SCN2A: variants seen among roughly 807,000 people sequenced by gnomAD.
SCN2A encodes sodium channel protein type 2 subunit alpha.
Under a neutral mutation model 188.7 loss-of-function variants are expected in SCN2A, and 20 were observed. The observed-to-expected ratio is 0.11, with a 90% CI of 0.07 to 0.15. The LOEUF (loss-of-function observed/expected upper bound fraction) is 0.15, where lower values mean the gene tolerates loss of function less well. Among genes scored for constraint, SCN2A ranks in the 10% least tolerant of loss-of-function variants. The pLI is 1.00. For missense variants in SCN2A, 1,278 were observed against 2,445.0 expected, an observed-to-expected ratio of 0.52 and a Z score of 10.07; for synonymous variants, 804 against 833.1, an observed-to-expected ratio of 0.97 and a Z score of 0.60.
intron 17 of SCN2A, among the ~76,000 whole-genome samples, chr2:165,362,025 G>A (rs1288828915): frequency 6.6e-6 from 1 of 151,978 alleles, no homozygotes; most frequent in Non-Finnish European, 1.5e-5. Context: ...GGAAGTGTTA[G>A]TAGTTAGTGG....
chr2:165,249,868 G>GA (rs974474261), intron 1 of SCN2A, among the ~76,000 whole-genome samples: 4 of 151,764 alleles, frequency 2.6e-5, no homozygotes, highest in African/African-American at 4.8e-5. Context: ...ATCATATACT[G>GA]AAAAAAAATT....
At chr2:165,281,266 G>A (rs2106120704) in intron 1 of SCN2A, among the ~76,000 whole-genome samples, 1 of 152,150 alleles carries the variant, frequency 6.6e-6, no homozygotes, top group South Asian at 2.1e-4. Context: ...AGGGAAATAA[G>A]GAAGGAGATG....
chr2:165,281,604 T>G (rs1194334340), intron 1 of SCN2A, among the ~76,000 whole-genome samples: 1 of 152,136 alleles, frequency 6.6e-6, no homozygotes, highest in Non-Finnish European at 1.5e-5. Flanking sequence ...TGGCTCATAC[T>G]TTGACTTTTC....
At chr2:165,312,240 G>A (rs1697474747) in intron 8 of SCN2A, 152 bp downstream of exon 8, 1 of 684,834 alleles carries the variant, frequency 1.5e-6, no homozygotes, top group African/African-American at 1.8e-5. Flanking sequence ...CAGGATAAGT[G>A]TAGATTCTCA....
chr2:165,257,491 T>C (rs1694378351), intron 1 of SCN2A, among the ~76,000 whole-genome samples: 1 of 152,228 alleles, frequency 6.6e-6, no homozygotes, highest in Non-Finnish European at 1.5e-5. Context: ...TATCTCATTG[T>C]GGTTTTTGTT....
At chr2:165,313,273 GC>G (rs1227687734) in intron 8 of SCN2A, among the ~76,000 whole-genome samples, 1 of 151,956 alleles carries the variant, frequency 6.6e-6, no homozygotes, top group Admixed American at 6.6e-5. Context: ...ACACATTTCT[GC>G]CTCAAGACAT....
chr2:165,281,991 G>T (rs1695602603), intron 1 of SCN2A, among the ~76,000 whole-genome samples: 1 of 152,144 alleles, frequency 6.6e-6, no homozygotes, highest in African/African-American at 2.4e-5. Flanking sequence ...CCCTGCCCAG[G>T]CCACTCAGTG....
intron 3 of SCN2A, among the ~76,000 whole-genome samples, chr2:165,307,403 A>G (rs984527035): frequency 1.3e-5 from 2 of 152,126 alleles, no homozygotes; most frequent in Non-Finnish European, 2.9e-5. Context: ...TTTAGAAAGG[A>G]CCTTATTATA....
At chr2:165,310,224 A>G in intron 6 of SCN2A, 99 bp from the exon 7 acceptor site, 1 of 1,272,696 alleles carries the variant, frequency 7.9e-7, no homozygotes, top group Non-Finnish European at 1.1e-6. Flanking sequence ...GGCATTCTGC[A>G]TGACATTTTT....
chr2:165,371,455 A>G (rs1357085443), intron 20 of SCN2A: 9 of 152,196 alleles, frequency 5.9e-5, no homozygotes, highest in Non-Finnish European at 1.3e-4. Context: ...CAGTAAGTCG[A>G]CACCTGTATT....
chr2:165,251,919 T>C (rs1694112845), intron 1 of SCN2A, among the ~76,000 whole-genome samples: 1 of 152,020 alleles, frequency 6.6e-6, no homozygotes, highest in Admixed American at 6.6e-5. Context: ...TCATGTGAAT[T>C]AGGTACTATT....
chr2:165,267,117 A>T (rs533802180), intron 1 of SCN2A: 1 of 152,168 alleles, frequency 6.6e-6, no homozygotes, highest in East Asian at 1.9e-4. Flanking sequence ...CCGTATAAAA[A>T]TTCCAATGAC....
At chr2:165,341,430 T>TA (rs1480991221) in intron 14 of SCN2A, among the ~76,000 whole-genome samples, 1 of 152,188 alleles carries the variant, frequency 6.6e-6, no homozygotes, top group East Asian at 1.9e-4. Flanking sequence ...AAGGACTCGG[T>TA]AACTGTTACT....
At chr2:165,367,790 C>T (rs764470436) in intron 19 of SCN2A, among the ~76,000 whole-genome samples, 31 of 152,160 alleles carry the variant, frequency 2.0e-4, no homozygotes, top group Non-Finnish European at 4.0e-4. Flanking sequence ...ACTGCTCCAC[C>T]CCTCACAGGA....
chr2:165,299,114 A>G (rs1048463401), intron 3 of SCN2A, among the ~76,000 whole-genome samples: 3 of 152,186 alleles, frequency 2.0e-5, no homozygotes, highest in Non-Finnish European at 4.4e-5. Flanking sequence ...ACTTGAAAAA[A>G]AAAATCCTAG....
intron 14 of SCN2A, among the ~76,000 whole-genome samples, chr2:165,338,500 T>G (rs1250312018): frequency 6.6e-6 from 1 of 151,986 alleles, no homozygotes; most frequent in African/African-American, 2.4e-5. Context: ...GACCTCATGA[T>G]CCGCCCGTCT....
rs771968887 is a variant in SCN2A at position 165,389,808 on chromosome 2, G to T, written c.6002G>T (p.Arg2001Met). The change falls in exon 27 of 27, where the codon AGG (arginine) becomes ATG (methionine). Residue 2001 changes from arginine (R) to methionine (M), a missense_variant. Transcript: ENST00000375437. The surrounding 1 kb of genome is among the most constrained non-coding windows in gnomAD (Gnocchi z 4.2). ...AAGGAAGACAAAGGGAAAGATATCA[G>T]GGAAAGTAAAAAGTAAAAAGAAACC... ...SEKEDKGKDI[R>M]ESKK 6.2e-7 allele frequency: 1 copy of T among 1,610,336 alleles called. No homozygotes were observed. The highest frequency in any genetic ancestry group is 1.3e-5 in the African/African-American group (1 of 74,848).
chr2:165,362,992 A>T (rs1176277652), intron 17 of SCN2A, among the ~76,000 whole-genome samples: 1 of 152,144 alleles, frequency 6.6e-6, no homozygotes, highest in Admixed American at 6.6e-5. Context: ...TCCCAAAGTC[A>T]TTTAAAGTAT....
Position 165,386,952 on chromosome 2 carries a change from T to C in SCN2A, c.4758T>C (p.Arg1586=). Residue 1586 remains arginine, a synonymous_variant, in exon 26 of 27, where the codon CGT becomes CGC. Transcript: ENST00000375437. ...GTGTGCTGAAACTGATCTCTCTTCG[T>C]TACTACTATTTCACTATTGGATGGA... ...GECVLKLISL[R]YYYFTIGWNI... is the part of the protein sequence containing the mutation. 1 of 1,613,876 alleles carries C rather than the reference T, an allele frequency of 6.2e-7. No individual in the cohort carries two copies. Among genetic ancestry groups the C allele is most frequent in the Non-Finnish European group, 8.5e-7 (1 of 1,179,826 alleles).
Sources: allele counts gnomAD v4.1 joint callset (sites outside exome capture counted in the v4.1 genomes callset), GRCh38; gene constraint gnomAD v4.1.1; non-coding constraint Gnocchi (gnomAD v3.1); transcripts MANE v1.5; gene names NCBI Gene and HGNC (gene_info 2026-07-23, HGNC 2026-07-21).